Variants in PPARGC1A observed in about 807,000 individuals in gnomAD.
The protein encoded by PPARGC1A is PPARG coactivator 1 alpha, also known as peroxisome proliferator-activated receptor gamma coactivator 1-alpha.
A neutral mutation model predicts 88.7 loss-of-function variants in PPARGC1A; 25 were observed. The ratio of observed to expected loss-of-function variants is 0.28; its 90% CI spans 0.21 to 0.39. The LOEUF (loss-of-function observed/expected upper bound fraction) is 0.39. Among genes scored for constraint, PPARGC1A ranks in the 10% least tolerant of loss-of-function variants. The pLI is 1.00. For synonymous variants in PPARGC1A, 363 were observed against 355.6 expected (o/e 1.02, Z -0.24); for missense variants, 880 against 968.7 (o/e 0.91, Z 1.22).
the PPARGC1A span, among the ~76,000 whole-genome samples, chr4:24,155,620 G>A: frequency 6.6e-6 from 1 of 151,736 alleles, no homozygotes; most frequent in African/African-American, 2.4e-5. Context: ...AAATACAAGA[G>A]GAATATGATC....
At chr4:24,144,792 G>A in the PPARGC1A span, among the ~76,000 whole-genome samples, 1 of 152,074 alleles carries the variant, frequency 6.6e-6, no homozygotes, top group Non-Finnish European at 1.5e-5. Flanking sequence ...AAAATAGATA[G>A]TCTGTTCAAA....
chr4:23,841,538 A>C (rs1727054223), intron 2 of PPARGC1A, among the ~76,000 whole-genome samples: 1 of 152,082 alleles, frequency 6.6e-6, no homozygotes, highest in Non-Finnish European at 1.5e-5. Context: ...ATAAATACAG[A>C]AACACAGTGG....
At chr4:24,269,155 T>G in the PPARGC1A span, among the ~76,000 whole-genome samples, 3 of 152,222 alleles carry the variant, frequency 2.0e-5, no homozygotes, top group Non-Finnish European at 2.9e-5. Context: ...TTTCTGGATT[T>G]TGGGTTTTGC....
At chr4:24,421,034 T>C in the PPARGC1A span, among the ~76,000 whole-genome samples, 3 of 152,186 alleles carry the variant, frequency 2.0e-5, no homozygotes, top group African/African-American at 7.2e-5. Context: ...CCTCATGATC[T>C]AATCACCTCC....
intron 2 of PPARGC1A, among the ~76,000 whole-genome samples, chr4:23,845,176 C>T (rs1000396142): frequency 6.6e-6 from 1 of 152,114 alleles, no homozygotes; most frequent in African/African-American, 2.4e-5. Context: ...TCACAAAGCT[C>T]TGCTGTTACA....
the PPARGC1A span, among the ~76,000 whole-genome samples, chr4:24,232,989 A>G: frequency 6.6e-6 from 1 of 152,152 alleles, no homozygotes; most frequent in African/African-American, 2.4e-5. Flanking sequence ...AATCTAGGGC[A>G]AGCAGGAGTT....
At position 23,859,833 on chromosome 4, in the gene PPARGC1A, AATAAAATAAAATAAAATAAAATAAC is replaced by A. The variant is rs1158023663; in HGVS notation, c.234+24894_234+24918del. Among the ~76,000 whole-genome samples, 4 of 101,258 alleles carry A rather than the reference AATAAAATAAAATAAAATAAAATAAC, an allele frequency of 4.0e-5. No individual in the cohort carries two copies. The East Asian group carries it at 1.2e-3, about 31-fold the overall frequency. 66.4% of individuals were successfully genotyped at this position (101,258 alleles called of 152,430 possible). A position where few individuals can be genotyped will look rare whatever the true frequency, so the allele number is the denominator to read the frequency against. On this transcript the variant is annotated intron_variant, in intron 2 of 12. Coordinates refer to ENST00000264867, the MANE Select transcript of PPARGC1A (RefSeq NM_013261.5). The stretch of plus-strand genomic sequence containing the variant: ...AATAAAATAAAATAAAATAAAATAA[AATAAAATAAAATAAAATAAAATAAC>A]ACCAAAAAAGAGAAAGAATTTTCAT...
At chr4:23,946,686 T>A in the PPARGC1A span, among the ~76,000 whole-genome samples, 1 of 152,036 alleles carries the variant, frequency 6.6e-6, no homozygotes, top group Non-Finnish European at 1.5e-5. Flanking sequence ...GCAGATTGTT[T>A]GTTATTTTTT....
chr4:24,313,780 A>G, the PPARGC1A span, among the ~76,000 whole-genome samples: 2 of 152,218 alleles, frequency 1.3e-5, no homozygotes, highest in Non-Finnish European at 2.9e-5. Context: ...TGAACCACCA[A>G]TTTCACTGCT....
the PPARGC1A span, among the ~76,000 whole-genome samples, chr4:24,137,079 A>C: frequency 2.7e-5 from 4 of 149,088 alleles, no homozygotes; most frequent in African/African-American, 9.9e-5. Flanking sequence ...GCACCACTGC[A>C]CTCCAGCCCG....
chr4:24,280,163 TCGA>T, the PPARGC1A span, among the ~76,000 whole-genome samples: 2 of 152,274 alleles, frequency 1.3e-5, no homozygotes, highest in Non-Finnish European at 1.5e-5. Flanking sequence ...ATAGAGCAAC[TCGA>T]CAGTCCAAAG....
the PPARGC1A span, among the ~76,000 whole-genome samples, chr4:24,272,006 A>G: frequency 1.3e-5 from 2 of 152,114 alleles, no homozygotes; most frequent in Non-Finnish European, 2.9e-5. Context: ...GTTCTATTTA[A>G]GGTGGAGGTG....
the PPARGC1A span, among the ~76,000 whole-genome samples, chr4:24,181,883 C>A: frequency 6.6e-6 from 1 of 152,094 alleles, no homozygotes; most frequent in African/African-American, 2.4e-5. Flanking sequence ...CGAGACCTTA[C>A]CCCGAGAAAA....
chr4:23,898,981 G>A (rs541686621), intron 1 of PPARGC1A, among the ~76,000 whole-genome samples: 28 of 151,846 alleles, frequency 1.8e-4, no homozygotes, highest in African/African-American at 5.6e-4. Context: ...GATTACAGGC[G>A]AGCACCACGA....
chr4:24,339,631 T>C, the PPARGC1A span, among the ~76,000 whole-genome samples: 1 of 152,242 alleles, frequency 6.6e-6, no homozygotes, highest in Non-Finnish European at 1.5e-5. Flanking sequence ...AGCTGTAAAA[T>C]GTGTGCTTTC....
At chr4:24,392,361 T>C in the PPARGC1A span, among the ~76,000 whole-genome samples, 3 of 152,212 alleles carry the variant, frequency 2.0e-5, no homozygotes, top group Non-Finnish European at 4.4e-5. Context: ...CTCAGTGCAG[T>C]AGAATCCTGA....
the PPARGC1A span, among the ~76,000 whole-genome samples, chr4:24,165,489 T>A: frequency 6.6e-6 from 1 of 152,226 alleles, no homozygotes; most frequent in Non-Finnish European, 1.5e-5. Flanking sequence ...GTGCTTTGCT[T>A]TATCACACTT....
chr4:24,380,426 T>A, the PPARGC1A span, among the ~76,000 whole-genome samples: 1 of 152,198 alleles, frequency 6.6e-6, no homozygotes. Flanking sequence ...ATCATGGAGA[T>A]GGCACATGCC....
chr4:23,862,832 T>G (rs1222753193), intron 2 of PPARGC1A, among the ~76,000 whole-genome samples: 1 of 152,120 alleles, frequency 6.6e-6, no homozygotes, highest in Non-Finnish European at 1.5e-5. Flanking sequence ...TCCAGTTTAT[T>G]TGCCAAATAA....
Sources: allele counts gnomAD v4.1 joint callset (sites outside exome capture counted in the v4.1 genomes callset), GRCh38; gene constraint gnomAD v4.1.1; transcripts MANE v1.5; gene names NCBI Gene and HGNC (gene_info 2026-07-23, HGNC 2026-07-21).